The following NTN1 variants were observed in gnomAD, a reference collection of about 807,000 sequenced individuals.
NTN1 encodes netrin 1.
In NTN1, 11 loss-of-function variants were observed where a neutral mutation model predicts 54.2. The ratio of observed to expected loss-of-function variants is 0.20; its 90% confidence interval spans 0.13 to 0.34. The LOEUF is 0.34. Among genes scored for constraint, NTN1 ranks in the 10% least tolerant of loss-of-function variants. NTN1 has a pLI of 1.00. For synonymous variants in NTN1, 371 were observed against 382.0 expected (o/e 0.97, Z 0.33); for missense variants, 740 against 893.1 (o/e 0.83, Z 2.18).
At chr17:9,061,093 G>C (rs186348193) in intron 2 of NTN1, among the ~76,000 whole-genome samples, 33 of 152,112 alleles carry the variant, frequency 2.2e-4, no homozygotes, top group African/African-American at 7.7e-4. Context: ...TAGGTTGTTT[G>C]CTTTGCACAG....
intron 5 of NTN1, among the ~76,000 whole-genome samples, chr17:9,210,583 C>T (rs1208430862): frequency 6.6e-6 from 1 of 152,052 alleles, no homozygotes; most frequent in African/African-American, 2.4e-5. Context: ...GGATTCCCAC[C>T]CCTTGTAAGT....
At chr17:9,195,896 A>G (rs565290309) in intron 5 of NTN1, among the ~76,000 whole-genome samples, 17 of 152,070 alleles carry the variant, frequency 1.1e-4, no homozygotes, top group Non-Finnish European at 2.1e-4. Flanking sequence ...AATAACAACC[A>G]TCACTGCAAT....
At chr17:9,061,028 A>G (rs2091996410) in intron 2 of NTN1, among the ~76,000 whole-genome samples, 2 of 151,530 alleles carry the variant, frequency 1.3e-5, no homozygotes, top group South Asian at 4.2e-4. Flanking sequence ...GTATAATTTA[A>G]AAAGCATGAA....
chr17:9,064,943 A>T (rs567889309), intron 2 of NTN1, among the ~76,000 whole-genome samples: 87 of 151,752 alleles, frequency 5.7e-4, no homozygotes, highest in Admixed American at 1.4e-3. Flanking sequence ...TTTATTAATT[A>T]ATTTATTTAT....
intron 2 of NTN1, among the ~76,000 whole-genome samples, chr17:9,145,526 G>A (rs769718858): frequency 5.3e-5 from 8 of 152,300 alleles, no homozygotes; most frequent in Non-Finnish European, 8.8e-5. Flanking sequence ...TGGGCCAGGC[G>A]TCCAGTCCCT....
Position 9,165,611 on chromosome 17 carries a change from C to T in NTN1, c.1207+2610C>T, listed in dbSNP as rs138267879. ...AGGATGGATTCTACTCAGAAAGACA[C>T]AGGCAAATTCTACTGAAGAAATGTG... On this transcript the variant is annotated intron_variant, in intron 3 of 6. Coordinates refer to ENST00000173229, the MANE Select transcript of NTN1 (RefSeq NM_004822.3). This position sits in a 1 kb window ranked among gnomAD's most constrained non-coding sequence, Gnocchi z 4.5. Among the ~76,000 whole-genome samples, 92 of 152,310 alleles carry T rather than the reference C, an allele frequency of 6.0e-4. No homozygotes were observed. Among genetic ancestry groups the T allele is most frequent in the Middle Eastern group, 3.4e-3 (1 of 294 alleles).
chr17:9,088,370 T>C (rs2092096545), intron 2 of NTN1, among the ~76,000 whole-genome samples: 1 of 152,152 alleles, frequency 6.6e-6, no homozygotes, highest in South Asian at 2.1e-4. Context: ...TGTGGCTTTA[T>C]TACCAGCTCA....
At chr17:9,012,619 T>C in the NTN1 span, among the ~76,000 whole-genome samples, 1 of 151,848 alleles carries the variant, frequency 6.6e-6, no homozygotes, top group Non-Finnish European at 1.5e-5. Flanking sequence ...CCAAATAACA[T>C]CTGTCCCCAG....
rs1019085898 is a variant in NTN1, at chr17:9,135,393, A to G, written c.1019-27420A>G. Among the ~76,000 whole-genome samples the G allele has an allele frequency of 6.6e-6, 1 of 152,066 alleles. No individual in the cohort carries two copies. The highest frequency in any genetic ancestry group is 1.5e-5 in the Non-Finnish European group (1 of 68,016). ...ACCAGACCACACTAACGTTGTTCTC[A>G]TGCACGGCTTCCTCTGGCCTCTGAG... On this transcript the variant is annotated intron_variant, in intron 2 of 6. Transcript: ENST00000173229. The surrounding 1 kb of genome is among the most constrained non-coding windows in gnomAD (Gnocchi z 4.4).
rs2092413688 is a variant in NTN1, at chr17:9,179,949, CT to C, written c.1351del (p.Cys451AlafsTer2). 6.2e-7 allele frequency: 1 copy of C among 1,612,812 alleles called. No individual in the cohort carries two copies. The highest frequency in any genetic ancestry group is 1.3e-5 in the African/African-American group (1 of 74,912). The part of the protein sequence containing the change: ...YQQSRSPIAP[C>X]IKIPVAPPTT... ...AGCAGAGCCGCTCTCCCATCGCCCC[CT>C]GCATAAGTATGTGTGGGGCACCCTG... is the stretch of plus-strand genomic sequence containing the variant. On this transcript the variant is annotated frameshift_variant, in exon 4 of 7. Transcript: ENST00000173229. LOFTEE classifies it high-confidence loss of function.
At chr17:9,016,835 G>A (rs920608131), upstream of NTN1, among the ~76,000 whole-genome samples, 2 of 152,198 alleles carry the variant, frequency 1.3e-5, no homozygotes, top group African/African-American at 4.8e-5. Flanking sequence ...AAAGGCTGCT[G>A]GGCGCTGCTG....
chr17:9,065,001 A>G (rs921216995), intron 2 of NTN1, among the ~76,000 whole-genome samples: 4 of 152,104 alleles, frequency 2.6e-5, no homozygotes, highest in African/African-American at 4.8e-5. Flanking sequence ...CAGTGGTGCA[A>G]TCTCGGCTCA....
rs1359220268 is a variant in NTN1, at chr17:9,239,840, G to A, written c.1687G>A (p.Asp563Asn). 2 of 1,613,102 alleles carry A rather than the reference G, an allele frequency of 1.2e-6. No individual in the cohort carries two copies. Among genetic ancestry groups the A allele is most frequent in the African/African-American group, 1.3e-5 (1 of 74,938 alleles). The change falls in exon 7 of 7, where the codon GAC becomes AAC. Residue 563 changes from aspartate (D) to asparagine (N), a missense_variant. Physicochemically the swap from Asp to Asn is conservative, Grantham distance 23. Coordinates refer to ENST00000173229, the MANE Select transcript of NTN1 (RefSeq NM_004822.3). The surrounding 1 kb of genome is among the most constrained non-coding windows in gnomAD (Gnocchi z 5.2). ...GTACCTGCTGCTGGGCAACGCGGAG[G>A]ACTCTCCGGACCAGAGCGGCATCGT... is the stretch of plus-strand genomic sequence containing the variant. Reference protein sequence around the residue: ...KKYLLLGNAEDSPDQSGIVAD... With the variant: ...KKYLLLGNAENSPDQSGIVAD...
At chr17:9,148,981 G>A (rs1330697289) in intron 2 of NTN1, among the ~76,000 whole-genome samples, 1 of 152,112 alleles carries the variant, frequency 6.6e-6, no homozygotes. Flanking sequence ...GGAATTGCAT[G>A]TTTTCCTGCC....
chr17:9,022,183 G>A (rs1597460471), intron 1 of NTN1, 128 bp from the exon 2 acceptor site: 8 of 584,554 alleles, frequency 1.4e-5, no homozygotes, highest in Non-Finnish European at 1.7e-5. Flanking sequence ...GGGGGAGAGA[G>A]GCGGGCAGTC....
At chr17:9,142,770 T>TGA (rs2092302044) in intron 2 of NTN1, among the ~76,000 whole-genome samples, 1 of 152,004 alleles carries the variant, frequency 6.6e-6, no homozygotes, top group South Asian at 2.1e-4. Flanking sequence ...ACATTCTAGA[T>TGA]GAGAGAAGCA....
In NTN1 at chr17:9,221,823, C is replaced by A. The variant is rs1905367391; in HGVS notation, c.1486+581C>A. Among the ~76,000 whole-genome samples the A allele has an allele frequency of 6.6e-6, 1 of 152,120 alleles. No individual in the cohort carries two copies. Among genetic ancestry groups the A allele is most frequent in the Non-Finnish European group, 1.5e-5 (1 of 68,014 alleles). On this transcript the variant is annotated intron_variant, in intron 6 of 6. Coordinates refer to ENST00000173229, the MANE Select transcript of NTN1 (RefSeq NM_004822.3). This position sits in a 1 kb window ranked among gnomAD's most constrained non-coding sequence, Gnocchi z 4.5. The stretch of plus-strand genomic sequence containing the variant: ...TGCTTGTCACCTGTGACCTCAGGCT[C>A]CCTTCCCGGGAAGGGTGTGTCCTGT...
intron 5 of NTN1, among the ~76,000 whole-genome samples, chr17:9,185,727 A>T (rs2092431341): frequency 6.6e-6 from 1 of 152,132 alleles, no homozygotes; most frequent in African/African-American, 2.4e-5. Context: ...GCACTCAAGG[A>T]AAAAAGACAC....
intron 5 of NTN1, among the ~76,000 whole-genome samples, chr17:9,191,797 G>A (rs901637929): frequency 8.0e-5 from 12 of 150,588 alleles, no homozygotes; most frequent in African/African-American, 2.0e-4. Context: ...GGAGGCCAAC[G>A]GGGGAGGATC....
Sources: allele counts gnomAD v4.1 joint callset (sites outside exome capture counted in the v4.1 genomes callset), GRCh38; gene constraint gnomAD v4.1.1; non-coding constraint Gnocchi (gnomAD v3.1); transcripts MANE v1.5; gene names NCBI Gene and HGNC (gene_info 2026-07-23, HGNC 2026-07-21).